C2CD2: variants seen among roughly 807,000 people sequenced by gnomAD.
C2CD2 encodes C2 domain-containing protein 2.
A neutral mutation model predicts 74.3 loss-of-function variants in C2CD2; 43 were observed. That is an observed-to-expected ratio of 0.58 (90% confidence interval 0.45 to 0.75). The LOEUF (loss-of-function observed/expected upper bound fraction) is 0.75. Ranked by LOEUF, C2CD2 falls within the 30% of genes least tolerant of loss-of-function variation. The pLI, the probability that C2CD2 is intolerant of heterozygous loss-of-function variation, is 0.00. For missense variants in C2CD2, 801 were observed against 916.3 expected (o/e 0.87, Z 1.63); for synonymous variants, 422 against 390.7 (o/e 1.08, Z -0.94).
rs149212646 is a variant in C2CD2 at position 41,916,365 on chromosome 21, G to A, written c.721-1644C>T. 4.4e-3 allele frequency among the ~76,000 whole-genome samples: 670 copies of A among 152,200 alleles called. 7 individuals are homozygous for A. Among genetic ancestry groups the A allele is most frequent in the African/African-American group, 0.015 (631 of 41,510 alleles). ...TGATGCAGATTTTCCTCCCTCTCGT[G>A]GGTGGGCCTCATCCAGTCCGTTGGA... is the stretch of plus-strand genomic sequence containing the variant. On this transcript the variant is annotated intron_variant, in intron 5 of 13. Coordinates refer to ENST00000380486, the MANE Select transcript of C2CD2 (RefSeq NM_015500.2).
intron 2 of C2CD2, among the ~76,000 whole-genome samples, chr21:41,922,793 A>G (rs1291391871): frequency 3.3e-5 from 5 of 152,148 alleles, no homozygotes; most frequent in Non-Finnish European, 7.4e-5. Flanking sequence ...TTTATATCAA[A>G]ATAATCTGGA....
In C2CD2 at chr21:41,888,970, G is replaced by C. The variant is rs1339731081; in HGVS notation, c.*154C>G. 1 of 650,808 alleles carries C rather than the reference G, an allele frequency of 1.5e-6. No homozygotes were observed. The highest frequency in any genetic ancestry group is 2.7e-5 in the Admixed American group (1 of 37,290). 40.3% of individuals were successfully genotyped at this position (650,808 alleles called of 1,614,324 possible). On this transcript the variant is annotated 3_prime_UTR_variant, in exon 14 of 14. Transcript: ENST00000380486. ...GAGAAGCCTCCTGGCTGGAGACTCA[G>C]ATTTTGTTTTCCCTTTAAATGACGA...
At chr21:41,943,040 C>T (rs2065368380) in intron 1 of C2CD2, 4 of 614,690 alleles carry the variant, frequency 6.5e-6, no homozygotes, top group Non-Finnish European at 8.2e-6. Flanking sequence ...GTGGCTCACA[C>T]CGGTAATCCC....
chr21:41,901,532 G>A, intron 12 of C2CD2, 90 bp downstream of exon 12: 1 of 1,350,992 alleles, frequency 7.4e-7, no homozygotes, highest in Middle Eastern at 1.8e-4. Context: ...CGTTAACCAA[G>A]TGCTTGGGCT....
rs1342030769 is a variant in C2CD2 at position 41,907,714 on chromosome 21, C to T, written c.1089G>A (p.Thr363=). ...TGCCGCAGGCAGACCCGCTGGTCAG[C>T]GTGAAGCTCTGTGGCCCAGAAGGCT... The part of the protein sequence containing the change: ...KKQPSGPQSF[T]LTSGSACGSS... The change falls in exon 9 of 14, where the codon ACG becomes ACA. Residue 363 remains threonine, a synonymous_variant. Transcript: ENST00000380486. 1.9e-6 allele frequency: 3 copies of T among 1,613,270 alleles called. No individual in the cohort carries two copies. The South Asian group carries it at 3.3e-5, about 18-fold the overall frequency.
At position 41,923,919 on chromosome 21, in the gene C2CD2, A is replaced by C. The variant is rs1472140631; in HGVS notation, c.379-1834T>G. 1.3e-5 allele frequency among the ~76,000 whole-genome samples: 2 copies of C among 152,080 alleles called. No homozygotes were observed. Among genetic ancestry groups the C allele is most frequent in the Non-Finnish European group, 2.9e-5 (2 of 67,998 alleles). ...GGCCAGGAGGAGGAGAGGGGAGGCC[A>C]GGGGCACAGTGGGCTGGACCACAGG... On this transcript the variant is annotated intron_variant, in intron 2 of 13. Coordinates refer to ENST00000380486, the MANE Select transcript of C2CD2 (RefSeq NM_015500.2). This position sits in a 1 kb window ranked among gnomAD's most constrained non-coding sequence, Gnocchi z 5.8.
At chr21:41,904,894 T>C (rs1397341667) in intron 11 of C2CD2, among the ~76,000 whole-genome samples, 1 of 151,638 alleles carries the variant, frequency 6.6e-6, no homozygotes, top group African/African-American at 2.4e-5. Context: ...CAAATTTAGA[T>C]TGCGCAGTGA....
At chr21:41,894,726 C>A in intron 13 of C2CD2, 1 of 456,800 alleles carries the variant, frequency 2.2e-6, no homozygotes. Flanking sequence ...CCATTCCATT[C>A]CCTTTCTCAA....
intron 7 of C2CD2, 42 bp from the exon 8 acceptor site, chr21:41,909,565 G>C: frequency 1.6e-6 from 2 of 1,285,898 alleles, no homozygotes; most frequent in Non-Finnish European, 2.3e-6. Flanking sequence ...AAAATGCAAT[G>C]CTTGATTCTT....
chr21:41,947,835 G>A (rs1289467215), intron 1 of C2CD2, among the ~76,000 whole-genome samples: 1 of 152,178 alleles, frequency 6.6e-6, no homozygotes. Context: ...GGGTAGAGCT[G>A]GAGCACAAAG....
chr21:41,937,332 T>C (rs903165603), intron 2 of C2CD2, among the ~76,000 whole-genome samples: 2 of 151,914 alleles, frequency 1.3e-5, no homozygotes, highest in Non-Finnish European at 2.9e-5. Flanking sequence ...TTGGCCAGGC[T>C]GGTCTCGAAC....
intron 11 of C2CD2, among the ~76,000 whole-genome samples, chr21:41,904,945 C>T (rs1269724792): frequency 6.6e-6 from 1 of 152,206 alleles, no homozygotes; most frequent in African/African-American, 2.4e-5. Context: ...AAGTCTATTA[C>T]CTGAAACTGA....
intron 3 of C2CD2, 127 bp downstream of exon 3, chr21:41,921,845 A>G (rs1358077952): frequency 1.6e-6 from 1 of 642,832 alleles, no homozygotes; most frequent in Admixed American, 2.8e-5. Context: ...CAGTTTGAAA[A>G]TTATGACATG....
chr21:41,903,915 GGCATCAGGGGCAGCGGCAAAA>G lies in C2CD2; in HGVS notation c.1432+1788_1432+1808del, dbSNP rs1232858673. 2.0e-5 allele frequency among the ~76,000 whole-genome samples: 3 copies of G among 151,914 alleles called. No individual in the cohort carries two copies. Among genetic ancestry groups the G allele is most frequent in the Admixed American group, 6.6e-5 (1 of 15,266 alleles). ...TGCCAGGGGAAGAAACTGAGGAAGGGGCATCAGGGGCAGCGGCAAAAGCATCAGCGGCATTAGTACCAGAGC... is the reference window on the plus strand; with the variant it reads ...TGCCAGGGGAAGAAACTGAGGAAGGGGCATCAGCGGCATTAGTACCAGAGC... On this transcript the variant is annotated intron_variant, in intron 11 of 13. Transcript: ENST00000380486. This position sits in a 1 kb window ranked among gnomAD's most constrained non-coding sequence, Gnocchi z 4.5.
chr21:41,900,868 G>T (rs459252), intron 12 of C2CD2: 1 of 152,180 alleles, frequency 6.6e-6, no homozygotes, highest in African/African-American at 2.4e-5. Flanking sequence ...AGGCCAAGGT[G>T]GATGGATCGC....
rs1204353395 is a variant in C2CD2 at position 41,899,918 on chromosome 21, T to C, written c.1561-556A>G. 6.9e-6 allele frequency among the ~76,000 whole-genome samples: 1 copy of C among 144,056 alleles called. No individual in the cohort carries two copies. The highest frequency in any genetic ancestry group is 2.0e-4 in the East Asian group (1 of 4,924). 94.5% of individuals were successfully genotyped at this position (144,056 alleles called of 152,430 possible). ...AGTTTGGGGAGGAGGGCACGGGGGCTCCCTTCCTTGGAGGGGAGAAAGTTT... is the reference window on the plus strand; with the variant it reads ...AGTTTGGGGAGGAGGGCACGGGGGCCCCCTTCCTTGGAGGGGAGAAAGTTT... On this transcript the variant is annotated intron_variant, in intron 12 of 13. Coordinates refer to ENST00000380486, the MANE Select transcript of C2CD2 (RefSeq NM_015500.2). This position sits in a 1 kb window ranked among gnomAD's most constrained non-coding sequence, Gnocchi z 4.4.
rs986899940 is a variant in C2CD2 at position 41,945,308 on chromosome 21, C to T, written c.280-3063G>A. ...ATGCGCACACACGTTGGTATACACA[C>T]GTATGTTTGCTATTGCTGAACACTG... is the stretch of plus-strand genomic sequence containing the variant. On this transcript the variant is annotated intron_variant, in intron 1 of 13. Transcript: ENST00000380486. This position sits in a 1 kb window ranked among gnomAD's most constrained non-coding sequence, Gnocchi z 4.2. Among the ~76,000 whole-genome samples the T allele has an allele frequency of 6.6e-6, 1 of 152,084 alleles. No homozygotes were observed. The highest frequency in any genetic ancestry group is 1.5e-5 in the Non-Finnish European group (1 of 68,018).
Position 41,912,452 on chromosome 21 carries a change from T to A in C2CD2, c.845-12A>T, listed in dbSNP as rs752646058. On this transcript the variant is annotated splice_polypyrimidine_tract_variant and intron_variant, in intron 6 of 13. Coordinates refer to ENST00000380486, the MANE Select transcript of C2CD2 (RefSeq NM_015500.2). ...TGCATTAATGTGGCCTGTAATTAAA[T>A]AGAAGGGCATCGTGTTGGCGTTTAT... The A allele has an allele frequency of 6.7e-7, 1 of 1,484,680 alleles. No individual in the cohort carries two copies. Among genetic ancestry groups the A allele is most frequent in the African/African-American group, 1.4e-5 (1 of 70,598 alleles). 92.0% of individuals were successfully genotyped at this position (1,484,680 alleles called of 1,614,324 possible). A position where few individuals can be genotyped will look rare whatever the true frequency, so the allele number is the denominator to read the frequency against.
intron 5 of C2CD2, among the ~76,000 whole-genome samples, chr21:41,915,107 G>C (rs1025768696): frequency 6.6e-6 from 1 of 152,164 alleles, no homozygotes; most frequent in Non-Finnish European, 1.5e-5. Context: ...CGCTGGCTGC[G>C]GGCACTCATG....
Sources: allele counts gnomAD v4.1 joint callset (sites outside exome capture counted in the v4.1 genomes callset), GRCh38; gene constraint gnomAD v4.1.1; non-coding constraint Gnocchi (gnomAD v3.1); transcripts MANE v1.5; gene names NCBI Gene and HGNC (gene_info 2026-07-23, HGNC 2026-07-21).